Variants in LRMDA observed in about 807,000 individuals in gnomAD.
The protein encoded by LRMDA is leucine-rich melanocyte differentiation-associated protein.
In LRMDA, 18 loss-of-function variants were observed where a neutral mutation model predicts 29.8. That is an observed-to-expected ratio of 0.60 (90% confidence interval 0.42 to 0.90). The LOEUF (loss-of-function observed/expected upper bound fraction) is 0.90. LRMDA is among the 40% of genes least tolerant of loss of function. LRMDA has a pLI of 0.00. For missense variants in LRMDA, 273 were observed against 273.9 expected, an observed-to-expected ratio of 1.00 and a Z score of 0.02; for synonymous variants, 125 against 109.4, an observed-to-expected ratio of 1.14 and a Z score of -0.89.
intron 2 of LRMDA, among the ~76,000 whole-genome samples, chr10:75,636,021 G>A (rs763812438): frequency 2.8e-4 from 42 of 152,182 alleles, no homozygotes; most frequent in Non-Finnish European, 5.1e-4. Flanking sequence ...GTAAGATTTT[G>A]TATCTGAACC....
chr10:76,465,559 C>CTTCCTT (rs1842556468), intron 6 of LRMDA, among the ~76,000 whole-genome samples: 1 of 152,170 alleles, frequency 6.6e-6, no homozygotes, highest in Non-Finnish European at 1.5e-5. Context: ...TAAAACAACC[C>CTTCCTT]TGGAACCCCA....
intron 5 of LRMDA, among the ~76,000 whole-genome samples, chr10:76,201,485 C>T (rs1479446076): frequency 6.6e-6 from 1 of 152,196 alleles, no homozygotes; most frequent in African/African-American, 2.4e-5. Flanking sequence ...GGTCTCATAC[C>T]AAGTTCTGCT....
At chr10:75,720,452 A>C (rs1842552631) in intron 2 of LRMDA, among the ~76,000 whole-genome samples, 1 of 152,222 alleles carries the variant, frequency 6.6e-6, no homozygotes, top group Non-Finnish European at 1.5e-5. Context: ...TATTTCATGC[A>C]TAGTCTGTGC....
Position 75,463,081 on chromosome 10 carries a change from C to T in LRMDA, c.131+24587C>T, listed in dbSNP as rs145610394. ...TTGCCGCTGGTGAGAGAGGAGGCAG[C>T]GGATCTGAGGGTGGAGGAATGCTCC... On this transcript the variant is annotated intron_variant, in intron 2 of 6. Coordinates refer to ENST00000611255, the MANE Select transcript of LRMDA (RefSeq NM_001305581.2). 4.6e-5 allele frequency among the ~76,000 whole-genome samples: 7 copies of T among 152,240 alleles called. No individual in the cohort carries two copies. The East Asian group carries it at 5.8e-4, about 13-fold the overall frequency.
intron 2 of LRMDA, among the ~76,000 whole-genome samples, chr10:75,966,532 G>A (rs1158531009): frequency 6.6e-6 from 1 of 152,114 alleles, no homozygotes; most frequent in Admixed American, 6.5e-5. Context: ...TGAAGGCAGG[G>A]GTCCTTGTTA....
At chr10:76,253,726 T>C (rs1240810434) in intron 5 of LRMDA, among the ~76,000 whole-genome samples, 1 of 152,200 alleles carries the variant, frequency 6.6e-6, no homozygotes, top group Non-Finnish European at 1.5e-5. Context: ...AAATTTGCTT[T>C]TTATCTGTAT....
chr10:76,271,779 C>T (rs1212289255), intron 5 of LRMDA, among the ~76,000 whole-genome samples: 1 of 152,206 alleles, frequency 6.6e-6, no homozygotes, highest in East Asian at 1.9e-4. Context: ...CTCCATCTCA[C>T]TTATAGTTTA....
intron 5 of LRMDA, among the ~76,000 whole-genome samples, chr10:76,119,856 A>G (rs776644691): frequency 2.0e-5 from 3 of 152,208 alleles, no homozygotes; most frequent in African/African-American, 4.8e-5. Context: ...TATTTTAATC[A>G]TGAACCAGCT....
At chr10:76,440,940 C>G (rs1589188711) in intron 6 of LRMDA, among the ~76,000 whole-genome samples, 4 of 152,298 alleles carry the variant, frequency 2.6e-5, no homozygotes, top group East Asian at 3.9e-4. Context: ...TCAGCTGACT[C>G]TGACAGAGTG....
intron 2 of LRMDA, among the ~76,000 whole-genome samples, chr10:75,921,869 A>G (rs1050605044): frequency 6.6e-6 from 1 of 152,184 alleles, no homozygotes; most frequent in African/African-American, 2.4e-5. Flanking sequence ...GGCATTTAAT[A>G]TTGATAAACT....
intron 2 of LRMDA, among the ~76,000 whole-genome samples, chr10:75,660,818 C>A (rs1841742906): frequency 6.6e-6 from 1 of 151,686 alleles, no homozygotes; most frequent in Admixed American, 6.6e-5. Flanking sequence ...AAGAAAAAAA[C>A]CCTTTTCCAT....
intron 2 of LRMDA, among the ~76,000 whole-genome samples, chr10:75,455,472 G>C (rs1162463236): frequency 6.6e-6 from 1 of 152,154 alleles, no homozygotes; most frequent in Non-Finnish European, 1.5e-5. Flanking sequence ...GAACAATATG[G>C]GGCCATGGTC....
intron 2 of LRMDA, among the ~76,000 whole-genome samples, chr10:75,540,977 T>G (rs564616477): frequency 6.9e-6 from 1 of 144,580 alleles, no homozygotes; most frequent in African/African-American, 2.9e-5. Context: ...GTTTTGTTGT[T>G]TTTTTTTTAA....
chr10:76,098,893 A>G (rs1011142377), intron 5 of LRMDA, among the ~76,000 whole-genome samples: 11 of 152,206 alleles, frequency 7.2e-5, no homozygotes, highest in Admixed American at 7.2e-4. Flanking sequence ...AGATGAAATA[A>G]TAGGGAGGTG....
intron 6 of LRMDA, among the ~76,000 whole-genome samples, chr10:76,404,491 T>A (rs1412699742): frequency 1.3e-5 from 2 of 152,062 alleles, no homozygotes; most frequent in African/African-American, 4.8e-5. Flanking sequence ...CCCCATGAGA[T>A]CTCTCTGCCC....
chr10:76,491,626 GT>G (rs1468397022), intron 6 of LRMDA, among the ~76,000 whole-genome samples: 1 of 151,894 alleles, frequency 6.6e-6, no homozygotes, highest in African/African-American at 2.4e-5. Context: ...GCCTTTGGGG[GT>G]TTGATTATTA....
chr10:76,231,147 GAAAGAAAGAAA>G (rs1852051463), intron 5 of LRMDA, among the ~76,000 whole-genome samples: 1 of 151,630 alleles, frequency 6.6e-6, no homozygotes, highest in Non-Finnish European at 1.5e-5. Context: ...GGGGGAAAGA[GAAAGAAAGAAA>G]AAAGAAAAAG....
At chr10:76,358,871 T>C (rs1463570092) in intron 6 of LRMDA, among the ~76,000 whole-genome samples, 1 of 152,200 alleles carries the variant, frequency 6.6e-6, no homozygotes, top group African/African-American at 2.4e-5. Context: ...GAAATATCCA[T>C]AATTATATTT....
At chr10:76,123,883 TTAA>T (rs1489862820) in intron 5 of LRMDA, among the ~76,000 whole-genome samples, 5 of 152,198 alleles carry the variant, frequency 3.3e-5, no homozygotes, top group African/African-American at 1.2e-4. Flanking sequence ...GCAGAATGAA[TTAA>T]TAACTGGTTG....
Sources: allele counts gnomAD v4.1 joint callset (sites outside exome capture counted in the v4.1 genomes callset), GRCh38; gene constraint gnomAD v4.1.1; transcripts MANE v1.5; gene names NCBI Gene and HGNC (gene_info 2026-07-23, HGNC 2026-07-21).